Variants in OSBPL3 observed in about 807,000 individuals in gnomAD.
The protein encoded by OSBPL3 is oxysterol-binding protein-related protein 3.
OSBPL3 carries 65 observed loss-of-function variants against 120.1 expected under a neutral mutation model. The ratio of observed to expected loss-of-function variants is 0.54; its 90% CI spans 0.44 to 0.67. The LOEUF (loss-of-function observed/expected upper bound fraction) is 0.67. OSBPL3 is among the 30% of genes least tolerant of loss of function. The pLI is 0.00. For synonymous variants in OSBPL3, 416 were observed against 402.6 expected (o/e 1.03, Z -0.40); for missense variants, 1,004 against 1,082.1 (o/e 0.93, Z 1.01).
chr7:24,952,556 A>G lies in OSBPL3; in HGVS notation c.-150+27330T>C, dbSNP rs970051809. Reference sequence around the variant, plus strand: ...GATGTTGCTCTATAAATATGGAAAGATGCTCATATGAGCCACCTTTGGAGA... The same window carrying G: ...GATGTTGCTCTATAAATATGGAAAGGTGCTCATATGAGCCACCTTTGGAGA... On this transcript the variant is annotated intron_variant, in intron 1 of 22. Transcript: ENST00000313367. The surrounding 1 kb of genome is among the most constrained non-coding windows in gnomAD (Gnocchi z 4.4). Among the ~76,000 whole-genome samples, 1 of 152,242 alleles carries G rather than the reference A, an allele frequency of 6.6e-6. No individual in the cohort carries two copies.
chr7:24,882,615 T>C (rs529406631), intron 2 of OSBPL3, among the ~76,000 whole-genome samples: 1 of 152,368 alleles, frequency 6.6e-6, no homozygotes, highest in East Asian at 1.9e-4. Flanking sequence ...AGATACCCAG[T>C]AGATCACATG....
rs115763871 is a variant in OSBPL3, at chr7:24,806,832, A to G, written c.2388T>C (p.Asp796=). ...GTGGCAATAAAGACTTTGATGATGGATCCATTTCATTTAATTCCAGCGCAA... is the reference window on the plus strand; with the variant it reads ...GTGGCAATAAAGACTTTGATGATGGGTCCATTTCATTTAATTCCAGCGCAA... The part of the protein sequence containing the change: ...TQFALELNEM[D]PSSKSLLPPT... Residue 796 remains aspartate, a synonymous_variant, in exon 21 of 23, where the codon GAT becomes GAC. Transcript: ENST00000313367. This position sits in a 1 kb window ranked among gnomAD's most constrained non-coding sequence, Gnocchi z 5.2. 1,099 of 1,613,702 alleles carry G rather than the reference A, an allele frequency of 6.8e-4. 8 individuals carry two copies. The African/African-American group carries it at 0.013, about 19-fold the overall frequency.
chr7:24,897,944 C>G (rs1158831669), intron 1 of OSBPL3, among the ~76,000 whole-genome samples: 2 of 152,170 alleles, frequency 1.3e-5, no homozygotes, highest in Non-Finnish European at 2.9e-5. Flanking sequence ...AAACGACTTT[C>G]ATGAAGGCCA....
chr7:24,830,223 T>G lies in OSBPL3; in HGVS notation c.1884+545A>C, dbSNP rs1260863409. Among the ~76,000 whole-genome samples, 1 of 152,192 alleles carries G rather than the reference T, an allele frequency of 6.6e-6. No individual in the cohort carries two copies. The highest frequency in any genetic ancestry group is 1.5e-5 in the Non-Finnish European group (1 of 68,034). On this transcript the variant is annotated intron_variant, in intron 16 of 22. Transcript: ENST00000313367. The surrounding 1 kb of genome is among the most constrained non-coding windows in gnomAD (Gnocchi z 4.4). ...TCCATCAGATGAGGGCAGGGACTCC[T>G]GTCCGGACCCCTCACCCCCCACCCC...
intron 10 of OSBPL3, among the ~76,000 whole-genome samples, chr7:24,856,329 T>C (rs569294651): frequency 1.3e-5 from 2 of 152,276 alleles, no homozygotes; most frequent in East Asian, 3.9e-4. Context: ...TGCTGTTCTT[T>C]TATTGAGTTA....
At chr7:24,868,173 T>C (rs1302171617) in intron 5 of OSBPL3, among the ~76,000 whole-genome samples, 1 of 151,876 alleles carries the variant, frequency 6.6e-6, no homozygotes, top group Non-Finnish European at 1.5e-5. Context: ...AAAAATTAGC[T>C]GGGTGTGGTG....
In OSBPL3 at chr7:24,804,580, T is replaced by C; in HGVS notation, c.2445-143A>G. The C allele has an allele frequency of 1.5e-6, 1 of 656,472 alleles. No individual in the cohort carries two copies. Among genetic ancestry groups the C allele is most frequent in the Non-Finnish European group, 2.6e-6 (1 of 392,066 alleles). The allele number at this position is 656,472 out of a possible 1,614,324, so 40.7% of individuals were successfully genotyped here. ...GACCCCGCCCCAACCGTTTAATCCGTATCTTGAAGTAGTCAGAGAAGATAT... is the reference window on the plus strand; with the variant it reads ...GACCCCGCCCCAACCGTTTAATCCGCATCTTGAAGTAGTCAGAGAAGATAT... On this transcript the variant is annotated intron_variant, in intron 21 of 22. Transcript: ENST00000313367. The surrounding 1 kb of genome is among the most constrained non-coding windows in gnomAD (Gnocchi z 5.4).
intron 1 of OSBPL3, among the ~76,000 whole-genome samples, chr7:24,961,374 G>A (rs17150632): frequency 0.026 from 3,960 of 152,202 alleles, 153 homozygotes; most frequent in African/African-American, 0.085. Flanking sequence ...TTAACAAGAA[G>A]AAGCATCTGC....
rs1408091188 is a variant in OSBPL3, at chr7:24,824,529, C to T, written c.1885-4291G>A. Among the ~76,000 whole-genome samples the T allele has an allele frequency of 1.3e-5, 2 of 152,074 alleles. No homozygotes were observed. The highest frequency in any genetic ancestry group is 2.9e-5 in the Non-Finnish European group (2 of 67,994). ...TCCCTGCAGCAATACAGGGCAATAA[C>T]GAAAAAGAGGGCAAGTGCCAGGTGA... On this transcript the variant is annotated intron_variant, in intron 16 of 22. Coordinates refer to ENST00000313367, the MANE Select transcript of OSBPL3 (RefSeq NM_015550.4). This position sits in a 1 kb window ranked among gnomAD's most constrained non-coding sequence, Gnocchi z 4.9.
At position 24,891,711 on chromosome 7, in the gene OSBPL3, G is replaced by T. The variant is rs1464950486; in HGVS notation, c.96+666C>A. 2.0e-5 allele frequency among the ~76,000 whole-genome samples: 3 copies of T among 152,172 alleles called. No individual in the cohort carries two copies. Among genetic ancestry groups the T allele is most frequent in the African/African-American group, 7.2e-5 (3 of 41,440 alleles). On this transcript the variant is annotated intron_variant, in intron 2 of 22. Transcript: ENST00000313367. The surrounding 1 kb of genome is among the most constrained non-coding windows in gnomAD (Gnocchi z 4.1). ...AAAGATTTATTAGAAAGGAAACCAA[G>T]AAACAATATATAATTACTCAACAGT...
chr7:24,832,141 A>G (rs941825799), intron 15 of OSBPL3, among the ~76,000 whole-genome samples: 8 of 146,854 alleles, frequency 5.4e-5, no homozygotes, highest in Non-Finnish European at 8.9e-5. Flanking sequence ...CAGGAGGTCG[A>G]GGCTGCAATG....
chr7:24,956,040 AAAATG>A (rs1313320914), intron 1 of OSBPL3, among the ~76,000 whole-genome samples: 1 of 152,240 alleles, frequency 6.6e-6, no homozygotes, highest in Non-Finnish European at 1.5e-5. Context: ...ATCACTAATG[AAAATG>A]CCCATTTCCA....
chr7:24,954,168 C>T (rs977628450), intron 1 of OSBPL3, among the ~76,000 whole-genome samples: 14 of 152,212 alleles, frequency 9.2e-5, no homozygotes, highest in African/African-American at 2.9e-4. Flanking sequence ...AAAGTACTCT[C>T]CTGAGCACCA....
chr7:24,812,215 G>A (rs961701990), intron 19 of OSBPL3, among the ~76,000 whole-genome samples: 16 of 150,010 alleles, frequency 1.1e-4, no homozygotes, highest in African/African-American at 3.7e-4. Context: ...GCTGAGGCAC[G>A]AGAATCACTT....
At chr7:24,920,266 A>C (rs948457558) in intron 1 of OSBPL3, among the ~76,000 whole-genome samples, 1 of 152,244 alleles carries the variant, frequency 6.6e-6, no homozygotes, top group African/African-American at 2.4e-5. Flanking sequence ...GAATACATAA[A>C]TAAAAAGTAG....
At chr7:24,956,529 A>G (rs1223425034) in intron 1 of OSBPL3, among the ~76,000 whole-genome samples, 1 of 152,252 alleles carries the variant, frequency 6.6e-6, no homozygotes, top group African/African-American at 2.4e-5. Context: ...TACCATGTTC[A>G]TAGCTTCACT....
Position 24,821,239 on chromosome 7 carries a change from T to C in OSBPL3, c.1885-1001A>G, listed in dbSNP as rs1161107243. On this transcript the variant is annotated intron_variant, in intron 16 of 22. Transcript: ENST00000313367. The surrounding 1 kb of genome is among the most constrained non-coding windows in gnomAD (Gnocchi z 5.5). ...AACGAAGAGACTGAAACCAGAAAGA[T>C]AAAGTAACATTTCCCAAGCCACACC... Among the ~76,000 whole-genome samples the C allele has an allele frequency of 2.0e-5, 3 of 152,144 alleles. No individual in the cohort carries two copies. Among genetic ancestry groups the C allele is most frequent in the Admixed American group, 2.0e-4 (3 of 15,276 alleles).
Position 24,819,477 on chromosome 7 carries a change from C to T in OSBPL3, c.1948+698G>A, listed in dbSNP as rs956699133. ...TACTGATTGCCTCCAAAGAGAGAAA[C>T]TGAGTGGCTGGGGAAGGGGGTTACA... On this transcript the variant is annotated intron_variant, in intron 17 of 22. Coordinates refer to ENST00000313367, the MANE Select transcript of OSBPL3 (RefSeq NM_015550.4). The surrounding 1 kb of genome is among the most constrained non-coding windows in gnomAD (Gnocchi z 4.1). Among the ~76,000 whole-genome samples the T allele has an allele frequency of 6.6e-6, 1 of 152,084 alleles. No homozygotes were observed. Among genetic ancestry groups the T allele is most frequent in the African/African-American group, 2.4e-5 (1 of 41,416 alleles).
chr7:24,947,946 T>C lies in OSBPL3; in HGVS notation c.-150+31940A>G, dbSNP rs997517114. ...AAGATGCAAGAGATTATATCACAGA[T>C]TAAGCTTTAAGAATGATTTTTTTAA... On this transcript the variant is annotated intron_variant, in intron 1 of 22. Transcript: ENST00000313367. The surrounding 1 kb of genome is among the most constrained non-coding windows in gnomAD (Gnocchi z 4.4). Among the ~76,000 whole-genome samples, 3 of 152,156 alleles carry C rather than the reference T, an allele frequency of 2.0e-5. No individual in the cohort carries two copies. The highest frequency in any genetic ancestry group is 2.0e-4 in the Admixed American group (3 of 15,276).
Sources: gnomAD v4.1 joint callset for allele counts (sites outside exome capture counted in the v4.1 genomes callset) on GRCh38, gnomAD v4.1.1 for gene constraint, Gnocchi (gnomAD v3.1) non-coding constraint, MANE v1.5 for transcripts, NCBI Gene and HGNC (gene_info 2026-07-23, HGNC 2026-07-21) for gene names.